The following PDCD6IP variants were observed in gnomAD, a reference collection of about 807,000 sequenced individuals.
The protein encoded by PDCD6IP is programmed cell death 6 interacting protein, also known as programmed cell death 6-interacting protein.
In PDCD6IP, 43 loss-of-function variants were observed where a neutral mutation model predicts 103.7. The observed-to-expected ratio is 0.41, with a 90% CI of 0.32 to 0.53. The LOEUF is 0.53. PDCD6IP is among the 20% of genes least tolerant of loss of function. PDCD6IP has a pLI of 0.16. For missense variants in PDCD6IP, 871 were observed against 1,036.7 expected (o/e 0.84, Z 2.20); for synonymous variants, 354 against 378.7 (o/e 0.93, Z 0.76).
At chr3:33,835,590 C>T (rs1024451957) in intron 7 of PDCD6IP, among the ~76,000 whole-genome samples, 2 of 151,998 alleles carry the variant, frequency 1.3e-5, no homozygotes, top group African/African-American at 2.4e-5. Flanking sequence ...TGGGGGTGCA[C>T]GCTTGTAATT....
chr3:33,799,174 G>C, intron 1 of PDCD6IP: 1 of 563,894 alleles, frequency 1.8e-6, no homozygotes, highest in Non-Finnish European at 3.2e-6. Context: ...GTCGGCGAGG[G>C]CTCCGTGGAT....
At chr3:33,837,933 C>G (rs1697386503) in intron 8 of PDCD6IP, among the ~76,000 whole-genome samples, 1 of 152,160 alleles carries the variant, frequency 6.6e-6, no homozygotes, top group Admixed American at 6.6e-5. Context: ...CTGAAGATCC[C>G]TCAAACTCAG....
intron 7 of PDCD6IP, among the ~76,000 whole-genome samples, chr3:33,833,111 C>T (rs1280368378): frequency 6.6e-6 from 1 of 151,414 alleles, no homozygotes; most frequent in Non-Finnish European, 1.5e-5. Flanking sequence ...AGTTTTTTAG[C>T]CTGTGTCTCT....
chr3:33,824,091 T>C (rs1051338444), intron 4 of PDCD6IP, among the ~76,000 whole-genome samples: 2 of 152,176 alleles, frequency 1.3e-5, no homozygotes, highest in Non-Finnish European at 2.9e-5. Context: ...GACACTTTGC[T>C]GTTGTAGACT....
At position 33,857,019 on chromosome 3, in the gene PDCD6IP, A is replaced by G. The variant is rs560481005; in HGVS notation, c.2120+1759A>G. Among the ~76,000 whole-genome samples the G allele has an allele frequency of 1.5e-3, 226 of 152,230 alleles. 1 individual carries two copies. The highest frequency in any genetic ancestry group is 2.7e-3 in the Non-Finnish European group (183 of 68,006). ...CTCTGTTCATATTCATGAACAGAGA[A>G]TGAACATGTTCATGTTCATTCACCT... On this transcript the variant is annotated intron_variant, in intron 15 of 17. Transcript: ENST00000307296.
chr3:33,799,877 T>C (rs949849036), intron 1 of PDCD6IP, among the ~76,000 whole-genome samples: 4 of 151,930 alleles, frequency 2.6e-5, no homozygotes, highest in Admixed American at 2.0e-4. Context: ...TCCCAGCACT[T>C]TGGGAGGCCG....
intron 15 of PDCD6IP, among the ~76,000 whole-genome samples, chr3:33,862,081 A>T (rs938857021): frequency 1.3e-5 from 2 of 152,214 alleles, no homozygotes; most frequent in Non-Finnish European, 2.9e-5. Context: ...ATTTACTGCA[A>T]CCATCCCTAG....
chr3:33,846,686 A>G lies in PDCD6IP; in HGVS notation c.1641+1098A>G, dbSNP rs1376809802. ...GAAGGGCTGAGTAGTGGCTGTGTCT[A>G]GAGAGTTATCCGAGGTACAGAGGAT... On this transcript the variant is annotated intron_variant, in intron 12 of 17. Coordinates refer to ENST00000307296, the MANE Select transcript of PDCD6IP (RefSeq NM_013374.6). Among the ~76,000 whole-genome samples the G allele has an allele frequency of 2.6e-5, 4 of 152,222 alleles. No individual in the cohort carries two copies. In the East Asian group the frequency reaches 7.7e-4, roughly 29 times the overall value.
At chr3:33,804,049 T>G (rs1432993990) in intron 1 of PDCD6IP, among the ~76,000 whole-genome samples, 1 of 152,242 alleles carries the variant, frequency 6.6e-6, no homozygotes, top group East Asian at 1.9e-4. Flanking sequence ...AACTGTTGTT[T>G]GGATTCTCGT....
At chr3:33,812,638 A>G (rs927287456) in intron 2 of PDCD6IP, among the ~76,000 whole-genome samples, 1 of 152,242 alleles carries the variant, frequency 6.6e-6, no homozygotes, top group African/African-American at 2.4e-5. Context: ...TTGGATAAAG[A>G]TTTTAAAATT....
Position 33,844,339 on chromosome 3 carries a change from C to G in PDCD6IP, c.1471+116C>G, listed in dbSNP as rs550877880. 1.2e-4 allele frequency: 65 copies of G among 535,996 alleles called. No individual in the cohort carries two copies. In the Admixed American group the frequency reaches 2.5e-3, roughly 20 times the overall value. The allele number at this position is 535,996 out of a possible 1,614,324, so 33.2% of individuals were successfully genotyped here. The stretch of plus-strand genomic sequence containing the variant: ...CATTTTTACCGAAACTGTTTTTCCT[C>G]AGTTTTAGTATAAAGATTAAAAAAG... On this transcript the variant is annotated intron_variant, in intron 11 of 17. Transcript: ENST00000307296.
intron 6 of PDCD6IP, 79 bp downstream of exon 6, chr3:33,826,659 G>A (rs1260982708): frequency 1.3e-6 from 2 of 1,552,852 alleles, no homozygotes; most frequent in South Asian, 2.3e-5. Context: ...GAAGCAAGTT[G>A]AAACTTATAA....
rs781681009 is a variant in PDCD6IP, at chr3:33,845,562, C to G, written c.1615C>G (p.Pro539Ala). 1.2e-6 allele frequency: 2 copies of G among 1,611,264 alleles called. No homozygotes were observed. The change falls in exon 12 of 18, where the codon CCA (proline) becomes GCA (alanine). Residue 539 changes from proline (P) to alanine (A), a missense_variant. By Grantham distance (27) the Pro-to-Ala change is conservative (BLOSUM62 -1). Around this residue, in one of 5 missense-constraint regions of PDCD6IP, gnomAD observed 266 missense variants for 390.5 expected, o/e 0.68. Coordinates refer to ENST00000307296, the MANE Select transcript of PDCD6IP (RefSeq NM_013374.6). ...ELNAAIPSAN[P>A]AKTMQGSEVV... ...GAATGCTGCCATCCCTTCTGCTAAT[C>G]CAGCAAAGACCATGCAGGGCAGTGA...
intron 10 of PDCD6IP, 147 bp downstream of exon 10, chr3:33,842,221 CTT>C (rs1697492931): frequency 3.8e-6 from 2 of 530,034 alleles, no homozygotes; most frequent in South Asian, 6.5e-5. Flanking sequence ...AGAGCCTTCT[CTT>C]TAGCATAAGA....
chr3:33,800,119 C>CAAAAAAAAAAAAAAAAAAAAAAA (rs1173163869), intron 1 of PDCD6IP, among the ~76,000 whole-genome samples: 1 of 50,890 alleles, frequency 2.0e-5, no homozygotes, highest in Non-Finnish European at 4.1e-5. Context: ...GACTCCATCT[C>CAAAAAAAAAAAAAAAAAAAAAAA]AAAAAAAAAA....
intron 1 of PDCD6IP, among the ~76,000 whole-genome samples, chr3:33,808,410 T>C (rs1013693722): frequency 6.6e-6 from 1 of 152,100 alleles, no homozygotes; most frequent in Non-Finnish European, 1.5e-5. Context: ...CATAGTCCCT[T>C]TGGGGGACTG....
intron 1 of PDCD6IP, among the ~76,000 whole-genome samples, chr3:33,805,330 G>C (rs981468626): frequency 1.3e-5 from 2 of 150,450 alleles, no homozygotes; most frequent in Non-Finnish European, 3.0e-5. Flanking sequence ...ACTGTAGCCT[G>C]GGCGACAGAG....
At chr3:33,826,132 A>G (rs943960763) in intron 5 of PDCD6IP, among the ~76,000 whole-genome samples, 5 of 152,206 alleles carry the variant, frequency 3.3e-5, no homozygotes, top group Non-Finnish European at 7.4e-5. Context: ...ATAACAGCTT[A>G]TATTGAGATA....
intron 1 of PDCD6IP, among the ~76,000 whole-genome samples, chr3:33,810,558 G>A (rs1696693502): frequency 6.6e-6 from 1 of 152,194 alleles, no homozygotes; most frequent in African/African-American, 2.4e-5. Flanking sequence ...AAGTGTTACT[G>A]CTTATAGGCC....
Sources: gnomAD v4.1 joint callset for allele counts (sites outside exome capture counted in the v4.1 genomes callset) on GRCh38, gnomAD v4.1.1 for gene constraint, gnomAD v4.1.1 regional missense constraint, MANE v1.5 for transcripts, NCBI Gene and HGNC (gene_info 2026-07-23, HGNC 2026-07-21) for gene names.